Variants in KIAA1671 observed in about 807,000 individuals in gnomAD.
The protein encoded by KIAA1671 is uncharacterized protein KIAA1671.
KIAA1671 carries 52 observed loss-of-function variants against 131.2 expected under a neutral mutation model. The ratio of observed to expected loss-of-function variants is 0.40; its 90% CI spans 0.32 to 0.50. The LOEUF (loss-of-function observed/expected upper bound fraction) is 0.50, where lower values mean the gene tolerates loss of function less well. KIAA1671 is among the 20% of genes least tolerant of loss of function. KIAA1671 has a pLI of 0.73. For synonymous variants in KIAA1671, 1,003 were observed against 961.6 expected, an observed-to-expected ratio of 1.04 and a Z score of -0.80; for missense variants, 2,360 against 2,364.2, an observed-to-expected ratio of 1.00 and a Z score of 0.04.
At chr22:25,091,108 A>C (rs1322647690) in intron 6 of KIAA1671, among the ~76,000 whole-genome samples, 1 of 152,114 alleles carries the variant, frequency 6.6e-6, no homozygotes, top group Non-Finnish European at 1.5e-5. Context: ...CCCAGGCTGG[A>C]GTACAGTGGC....
At chr22:25,036,915 A>T (rs1926633607) in intron 4 of KIAA1671, among the ~76,000 whole-genome samples, 1 of 151,184 alleles carries the variant, frequency 6.6e-6, no homozygotes, top group East Asian at 2.0e-4. Flanking sequence ...CAAGAGCGAA[A>T]CTCCATCTCA....
chr22:25,143,090 A>G (rs1932829329), intron 6 of KIAA1671, among the ~76,000 whole-genome samples: 1 of 152,162 alleles, frequency 6.6e-6, no homozygotes, highest in South Asian at 2.1e-4. Flanking sequence ...CCCTTTTCCC[A>G]CGTCTATTTA....
At chr22:25,055,023 T>C (rs1373098307) in intron 6 of KIAA1671, 4 of 149,832 alleles carry the variant, frequency 2.7e-5, no homozygotes, top group Admixed American at 1.3e-4. Flanking sequence ...TACACTGAGC[T>C]CAGACTTTCC....
intron 6 of KIAA1671, among the ~76,000 whole-genome samples, chr22:25,127,402 T>C (rs891321227): frequency 1.1e-4 from 16 of 152,206 alleles, no homozygotes; most frequent in African/African-American, 3.6e-4. Context: ...GGTGCCATTT[T>C]CTCTCCAGAG....
chr22:25,164,949 A>G (rs368426482), intron 6 of KIAA1671, among the ~76,000 whole-genome samples: 7 of 23,986 alleles, frequency 2.9e-4, no homozygotes, highest in African/African-American at 2.1e-3. Context: ...CTGTCTCGGG[A>G]AAAAAAAAAA....
At chr22:25,147,179 T>TTATGTTATGTTATGTTATGTTATGTTATG in intron 6 of KIAA1671, among the ~76,000 whole-genome samples, 1 of 101,810 alleles carries the variant, frequency 9.8e-6, no homozygotes, top group African/African-American at 5.8e-5. Context: ...TTTATTTTAT[T>TTATGTTATGTTATGTTATGTTATGTTATG]TTATTTTATT....
At chr22:25,133,980 A>G (rs529974661) in intron 6 of KIAA1671, among the ~76,000 whole-genome samples, 1 of 152,338 alleles carries the variant, frequency 6.6e-6, no homozygotes, top group Middle Eastern at 3.4e-3. Flanking sequence ...CACAAGGGGA[A>G]CTTTCCATCT....
rs1445083352 is a variant in KIAA1671 at position 24,984,838 on chromosome 22, C to T, written c.-208+32066C>T. Among the ~76,000 whole-genome samples, 4 of 147,272 alleles carry T rather than the reference C, an allele frequency of 2.7e-5. No homozygotes were observed. The Admixed American group carries it at 2.8e-4, about 10-fold the overall frequency. ...CTGAGGCAGGAGAATTGCGTGAACC[C>T]TGGAGGCGGAGGTTGCGGTGAGCCG... On this transcript the variant is annotated intron_variant, in intron 1 of 12. Transcript: ENST00000358431.
chr22:24,954,394 C>T (rs1353356867), intron 1 of KIAA1671, among the ~76,000 whole-genome samples: 2 of 152,144 alleles, frequency 1.3e-5, no homozygotes, highest in East Asian at 3.8e-4. Context: ...GACACAAGCC[C>T]AGATCTTGGT....
intron 6 of KIAA1671, among the ~76,000 whole-genome samples, chr22:25,143,664 A>G (rs6004447): frequency 0.3 from 45,288 of 151,882 alleles, 6,828 homozygotes; most frequent in South Asian, 0.37. Context: ...ACATGCCCCT[A>G]ACTGTCCTCT....
intron 6 of KIAA1671, 110 bp downstream of exon 6, chr22:25,049,474 T>G: frequency 1.6e-6 from 2 of 1,271,792 alleles, no homozygotes; most frequent in Admixed American, 2.6e-5. Context: ...CTGACGGGGT[T>G]GAGGGCAGCA....
At chr22:25,054,938 T>C (rs1927758628) in intron 6 of KIAA1671, 1 of 149,428 alleles carries the variant, frequency 6.7e-6, no homozygotes. Flanking sequence ...TTGTGCTCTA[T>C]ACAACGGATG....
At chr22:24,978,963 G>C (rs1261150964) in intron 1 of KIAA1671, among the ~76,000 whole-genome samples, 1 of 151,088 alleles carries the variant, frequency 6.6e-6, no homozygotes, top group African/African-American at 2.4e-5. Flanking sequence ...GGGATTATAG[G>C]CATGAGCCAC....
At chr22:25,075,932 T>G (rs374882403) in intron 6 of KIAA1671, among the ~76,000 whole-genome samples, 12 of 151,870 alleles carry the variant, frequency 7.9e-5, no homozygotes, top group African/African-American at 2.9e-4. Context: ...CCTGCCACCA[T>G]GCCCGGCTAA....
rs1046065498 is a variant in KIAA1671 at position 25,040,444 on chromosome 22, C to T, written c.3314C>T (p.Pro1105Leu). Reference protein sequence around the residue: ...ENASILKTLKPTDRPSSLGAW... With the variant: ...ENASILKTLKLTDRPSSLGAW... Reference sequence around the variant, plus strand: ...GCAAGCATTTTAAAAACTCTGAAGCCAACAGACCGTCCATCATCTCTTGGG... The same window carrying T: ...GCAAGCATTTTAAAAACTCTGAAGCTAACAGACCGTCCATCATCTCTTGGG... Residue 1105 changes from proline to leucine, a missense_variant, in exon 5 of 13, where the codon CCA becomes CTA. Physicochemically the swap from Pro to Leu is moderately conservative, Grantham distance 98. Transcript: ENST00000358431. 1.7e-5 allele frequency: 27 copies of T among 1,551,896 alleles called. No homozygotes were observed. Among genetic ancestry groups the T allele is most frequent in the Non-Finnish European group, 2.3e-5 (26 of 1,147,076 alleles).
At chr22:25,063,678 A>C (rs1339315643) in intron 6 of KIAA1671, 1 of 152,244 alleles carries the variant, frequency 6.6e-6, no homozygotes, top group African/African-American at 2.4e-5. Flanking sequence ...CCATGTAACC[A>C]AAAACGACCT....
intron 1 of KIAA1671, among the ~76,000 whole-genome samples, chr22:24,970,546 G>A (rs761704276): frequency 6.6e-6 from 1 of 152,074 alleles, no homozygotes; most frequent in Non-Finnish European, 1.5e-5. Context: ...GGGTAGATGT[G>A]CCTTTATCAT....
chr22:25,106,967 G>C (rs528772695), intron 6 of KIAA1671, among the ~76,000 whole-genome samples: 5 of 152,262 alleles, frequency 3.3e-5, no homozygotes, highest in Admixed American at 2.0e-4. Flanking sequence ...AGGAATTCCT[G>C]TGTGTGGAAC....
intron 6 of KIAA1671, chr22:25,050,124 T>A (rs1927458430): frequency 6.6e-6 from 1 of 152,392 alleles, no homozygotes; most frequent in Non-Finnish European, 1.5e-5. Context: ...TGTCCTTGTT[T>A]TCAAGTCTCC....
Sources: allele counts gnomAD v4.1 joint callset (sites outside exome capture counted in the v4.1 genomes callset), GRCh38; gene constraint gnomAD v4.1.1; transcripts MANE v1.5; gene names NCBI Gene and HGNC (gene_info 2026-07-23, HGNC 2026-07-21).